Variants in GDAP1L1 observed in about 807,000 individuals in gnomAD.
GDAP1L1 encodes ganglioside induced differentiation associated protein 1 like 1.
Under a neutral mutation model 37.1 loss-of-function variants are expected in GDAP1L1, and 21 were observed. The ratio of observed to expected loss-of-function variants is 0.57; its 90% CI spans 0.40 to 0.81. The LOEUF is 0.81. GDAP1L1 is among the 40% of genes least tolerant of loss of function. The probability of loss-of-function intolerance (pLI) is 0.00; values close to 1 mark genes in which losing one functional copy is unlikely to be tolerated. For missense variants in GDAP1L1, 362 were observed against 491.6 expected, an observed-to-expected ratio of 0.74 and a Z score of 2.49; for synonymous variants, 193 against 209.1, an observed-to-expected ratio of 0.92 and a Z score of 0.67.
chr20:44,258,334 C>A (rs1413288873), intron 2 of GDAP1L1, 100 bp from the exon 3 acceptor site: 2 of 1,209,440 alleles, frequency 1.7e-6, no homozygotes, highest in Admixed American at 4.0e-5. Flanking sequence ...TGCCCAGGGC[C>A]TCTGGGCAGA....
chr20:44,279,620 A>G lies in GDAP1L1; in HGVS notation c.*320A>G, dbSNP rs1260526271. ...AACTGTGGAGACTGGTTAGGATCTG[A>G]GGTGAGTCCCAGGATGTTTCGTCCA... is the stretch of plus-strand genomic sequence containing the variant. On this transcript the variant is annotated 3_prime_UTR_variant, in exon 6 of 6. Coordinates refer to ENST00000342560, the MANE Select transcript of GDAP1L1 (RefSeq NM_024034.6). The G allele has an allele frequency of 2.0e-6, 1 of 500,464 alleles. No individual in the cohort carries two copies. The highest frequency in any genetic ancestry group is 1.9e-5 in the African/African-American group (1 of 51,352). The allele number at this position is 500,464 out of a possible 1,614,324, so 31.0% of individuals were successfully genotyped here. A position where few individuals can be genotyped will look rare whatever the true frequency, so the allele number is the denominator to read the frequency against.
At chr20:44,255,165 C>T (rs1443370022) in intron 1 of GDAP1L1, among the ~76,000 whole-genome samples, 2 of 152,184 alleles carry the variant, frequency 1.3e-5, no homozygotes, top group Non-Finnish European at 2.9e-5. Flanking sequence ...TCCACAGGGA[C>T]TAAGGAATTT....
chr20:44,253,607 A>G (rs2073485633), intron 1 of GDAP1L1, among the ~76,000 whole-genome samples: 1 of 152,316 alleles, frequency 6.6e-6, no homozygotes, highest in Non-Finnish European at 1.5e-5. Flanking sequence ...AAGTTCGTTT[A>G]CCTAGAGATG....
rs1486227616 is a variant in GDAP1L1, at chr20:44,279,522, C to T, written c.*222C>T. On this transcript the variant is annotated 3_prime_UTR_variant, in exon 6 of 6. Coordinates refer to ENST00000342560, the MANE Select transcript of GDAP1L1 (RefSeq NM_024034.6). ...GCTCTACTAAAAGAGAGAGAGGAAG[C>T]GAGAGAGAGAGAGAAAAAACAAAAA... The T allele has an allele frequency of 9.1e-5, 62 of 678,248 alleles. No individual in the cohort carries two copies. Among genetic ancestry groups the T allele is most frequent in the East Asian group, 4.8e-4 (17 of 35,114 alleles). 42.0% of individuals were successfully genotyped at this position (678,248 alleles called of 1,614,324 possible). A position where few individuals can be genotyped will look rare whatever the true frequency, so the allele number is the denominator to read the frequency against.
rs746424697 is a variant in GDAP1L1 at position 44,258,534 on chromosome 20, G to A, written c.474G>A (p.Thr158=). 2.1e-5 allele frequency: 34 copies of A among 1,583,576 alleles called. No homozygotes were observed. The highest frequency in any genetic ancestry group is 2.7e-5 in the Non-Finnish European group (31 of 1,165,648). ...ACGCACTGCCCATGGATGCCTACACGCATGGCTGCATCCTGCATCCCGAGC... is the reference window on the plus strand; with the variant it reads ...ACGCACTGCCCATGGATGCCTACACACATGGCTGCATCCTGCATCCCGAGC... ...LLDALPMDAY[T]HGCILHPELT... Residue 158 remains threonine (T), a synonymous_variant, in exon 3 of 6, where the codon ACG becomes ACA. Coordinates refer to ENST00000342560, the MANE Select transcript of GDAP1L1 (RefSeq NM_024034.6).
intron 5 of GDAP1L1, among the ~76,000 whole-genome samples, chr20:44,274,945 T>C (rs1358658048): frequency 1.3e-5 from 2 of 152,024 alleles, no homozygotes; most frequent in Non-Finnish European, 2.9e-5. Context: ...CAGGCTGGAG[T>C]GCGGTGGTGT....
intron 5 of GDAP1L1, among the ~76,000 whole-genome samples, chr20:44,275,535 C>T (rs1390155905): frequency 2.6e-5 from 4 of 152,082 alleles, no homozygotes; most frequent in South Asian, 2.1e-4. Context: ...GAGAGCATTC[C>T]GGGCATGGGG....
chr20:44,265,121 A>C, intron 5 of GDAP1L1: 3 of 985,252 alleles, frequency 3.0e-6, no homozygotes, highest in Non-Finnish European at 3.6e-6. Context: ...ACACCATCCC[A>C]CTTGCCCTGC....
rs2062629209 is a variant in GDAP1L1, at chr20:44,280,476, C to T, written c.*1176C>T. ...GTGAGGTTTCAGTCTCAGTTCTTCACAAGAGCAAGCAAGAGTTGACTGCCT... is the reference window on the plus strand; with the variant it reads ...GTGAGGTTTCAGTCTCAGTTCTTCATAAGAGCAAGCAAGAGTTGACTGCCT... On this transcript the variant is annotated 3_prime_UTR_variant, in exon 6 of 6. Coordinates refer to ENST00000342560, the MANE Select transcript of GDAP1L1 (RefSeq NM_024034.6). 6.5e-6 allele frequency: 1 copy of T among 152,750 alleles called. No homozygotes were observed. The highest frequency in any genetic ancestry group is 2.1e-4 in the South Asian group (1 of 4,836). 9.5% of individuals were successfully genotyped at this position (152,750 alleles called of 1,614,324 possible).
chr20:44,252,840 A>AGGGTTGTG lies in GDAP1L1; in HGVS notation c.181-4313_181-4312insGGGTTGTG, dbSNP rs397839587. ...CCTGTCTCAAAAAAAAAAAAAAAAAATCCTATGCACAACCCTTTCTGCTCC... is the reference window on the plus strand; with the variant it reads ...CCTGTCTCAAAAAAAAAAAAAAAAAAGGGTTGTGTCCTATGCACAACCCTTTCTGCTCC... On this transcript the variant is annotated intron_variant, in intron 1 of 5. Transcript: ENST00000342560. Among the ~76,000 whole-genome samples the AGGGTTGTG allele has an allele frequency of 2.1e-3, 315 of 147,786 alleles. 2 individuals carry two copies. The highest frequency in any genetic ancestry group is 6.7e-3 in the African/African-American group (270 of 40,538).
At chr20:44,258,287 TC>T in intron 2 of GDAP1L1, 146 bp from the exon 3 acceptor site, 1 of 794,630 alleles carries the variant, frequency 1.3e-6, no homozygotes, top group Non-Finnish European at 2.2e-6. Flanking sequence ...ACCACTAGAA[TC>T]CCCTGTCCGC....
chr20:44,267,469 G>C (rs1178070609), intron 5 of GDAP1L1, among the ~76,000 whole-genome samples: 1 of 152,056 alleles, frequency 6.6e-6, no homozygotes, highest in African/African-American at 2.4e-5. Flanking sequence ...AAATTAGCTG[G>C]GCATGGTGGT....
At position 44,279,529 on chromosome 20, in the gene GDAP1L1, G is replaced by A. The variant is rs112865364; in HGVS notation, c.*229G>A. ...TAAAAGAGAGAGAGGAAGCGAGAGA[G>A]AGAGAGAAAAAACAAAAAACAGAAA... On this transcript the variant is annotated 3_prime_UTR_variant, in exon 6 of 6. Coordinates refer to ENST00000342560, the MANE Select transcript of GDAP1L1 (RefSeq NM_024034.6). The A allele has an allele frequency of 1.3e-5, 9 of 690,246 alleles. No homozygotes were observed. In the African/African-American group the frequency reaches 1.4e-4, roughly 11 times the overall value. The allele number at this position is 690,246 out of a possible 1,614,324, so 42.8% of individuals were successfully genotyped here.
chr20:44,270,325 T>C (rs911419807), intron 5 of GDAP1L1, among the ~76,000 whole-genome samples: 1 of 151,046 alleles, frequency 6.6e-6, no homozygotes, highest in African/African-American at 2.4e-5. Flanking sequence ...CGCCCGCCAC[T>C]ACGCCCGGCT....
intron 5 of GDAP1L1, among the ~76,000 whole-genome samples, chr20:44,267,455 C>T (rs1291175015): frequency 6.6e-6 from 1 of 151,834 alleles, no homozygotes; most frequent in Non-Finnish European, 1.5e-5. Flanking sequence ...ACTAAAAATA[C>T]AAAAAATTAG....
chr20:44,278,172 GA>G (rs2062604899), intron 5 of GDAP1L1, among the ~76,000 whole-genome samples: 1 of 140,944 alleles, frequency 7.1e-6, no homozygotes, highest in Admixed American at 7.3e-5. Flanking sequence ...AAAAAAAAAA[GA>G]AAAAGAAAGA....
In GDAP1L1 at chr20:44,247,379, G is replaced by A; in HGVS notation, c.45G>A (p.Trp15Ter). Residue 15 changes from tryptophan (W) to a stop codon, truncating the protein, a stop_gained, in exon 1 of 6, where the codon TGG (tryptophan) becomes TGA (stop). Coordinates refer to ENST00000342560, the MANE Select transcript of GDAP1L1 (RefSeq NM_024034.6). LOFTEE classifies it high-confidence loss of function. ...NNLTPTNCSW[W>*]PISALESDAA... ...TGACCCCCACCAACTGCAGCTGGTG[G>A]CCCATCTCCGCGCTGGAGAGCGATG... 2 of 1,613,440 alleles carry A rather than the reference G, an allele frequency of 1.2e-6. No homozygotes were observed. Among genetic ancestry groups the A allele is most frequent in the Non-Finnish European group, 1.7e-6 (2 of 1,179,878 alleles).
intron 1 of GDAP1L1, among the ~76,000 whole-genome samples, chr20:44,252,982 C>T (rs1275464487): frequency 2.6e-5 from 4 of 152,202 alleles, no homozygotes; most frequent in African/African-American, 9.7e-5. Flanking sequence ...CTGACTGAAG[C>T]TCTCTTCCCC....
chr20:44,249,937 G>A (rs1407038594), intron 1 of GDAP1L1, among the ~76,000 whole-genome samples: 1 of 152,158 alleles, frequency 6.6e-6, no homozygotes. Flanking sequence ...CTGGAAAAGA[G>A]GATTTTACAT....
Sources: gnomAD v4.1 joint callset for allele counts (sites outside exome capture counted in the v4.1 genomes callset) on GRCh38, gnomAD v4.1.1 for gene constraint, MANE v1.5 for transcripts, NCBI Gene and HGNC (gene_info 2026-07-23, HGNC 2026-07-21) for gene names.